The following HIVEP3 variants were observed in gnomAD, a reference collection of about 807,000 sequenced individuals.
HIVEP3 encodes the protein transcription factor HIVEP3.
Under a neutral mutation model 152.8 loss-of-function variants are expected in HIVEP3, and 49 were observed. The observed-to-expected ratio is 0.32, with a 90% confidence interval of 0.26 to 0.41. The LOEUF is 0.41. Among genes scored for constraint, HIVEP3 ranks in the 10% least tolerant of loss-of-function variants. The probability of loss-of-function intolerance (pLI) is 1.00; values close to 1 mark genes in which losing one functional copy is unlikely to be tolerated. For missense variants in HIVEP3, 2,790 were observed against 3,103.3 expected, an observed-to-expected ratio of 0.90 and a Z score of 2.40; for synonymous variants, 1,269 against 1,289.0, an observed-to-expected ratio of 0.98 and a Z score of 0.33.
chr1:41,703,840 G>A (rs1646396793), intron 1 of HIVEP3, among the ~76,000 whole-genome samples: 1 of 152,232 alleles, frequency 6.6e-6, no homozygotes, highest in South Asian at 2.1e-4. Flanking sequence ...CCCCAAAGAA[G>A]CTGGAGTCCC....
chr1:41,892,494 G>A (rs1035939259), intron 1 of HIVEP3, among the ~76,000 whole-genome samples: 2 of 152,212 alleles, frequency 1.3e-5, no homozygotes, highest in Non-Finnish European at 2.9e-5. Flanking sequence ...GAAACCCAAA[G>A]AGAGCACAGA....
chr1:41,563,463 G>A (rs2181276), intron 5 of HIVEP3, among the ~76,000 whole-genome samples: 16,670 of 151,976 alleles, frequency 0.11, 1,624 homozygotes, highest in East Asian at 0.46. Context: ...TTTTTCCTGC[G>A]GCTTCCAGAA....
At chr1:41,587,162 A>G (rs981790878) in intron 3 of HIVEP3, among the ~76,000 whole-genome samples, 3 of 152,228 alleles carry the variant, frequency 2.0e-5, no homozygotes, top group African/African-American at 7.2e-5. Context: ...GCAGTGAATG[A>G]TGCAGGAGAT....
At chr1:41,801,607 T>C (rs1650305734) in intron 1 of HIVEP3, among the ~76,000 whole-genome samples, 1 of 152,120 alleles carries the variant, frequency 6.6e-6, no homozygotes, top group South Asian at 2.1e-4. Context: ...CAGCTGGGCA[T>C]GGCAGCATGC....
chr1:42,020,492 C>T (rs1204056256), intron 1 of HIVEP3, among the ~76,000 whole-genome samples: 1 of 71,796 alleles, frequency 1.4e-5, no homozygotes, highest in Non-Finnish European at 3.2e-5. Context: ...AGTATGTTGG[C>T]AAAAACTGTT....
intron 1 of HIVEP3, among the ~76,000 whole-genome samples, chr1:41,733,651 G>A (rs1470424772): frequency 6.6e-6 from 1 of 152,238 alleles, no homozygotes; most frequent in Non-Finnish European, 1.5e-5. Context: ...GTGCTCTGAG[G>A]GTCCACTGTG....
In HIVEP3 at chr1:41,696,214, C is replaced by G. The variant is rs1477387892; in HGVS notation, c.-721+4702G>C. On this transcript the variant is annotated intron_variant, in intron 2 of 8. Coordinates refer to ENST00000372583, the MANE Select transcript of HIVEP3 (RefSeq NM_024503.5). Reference sequence around the variant, plus strand: ...CACAGCCTGCAATGTCTTGGGAAGTCTCTCTCAGCTGTTCCAGCTCCAGTC... The same window carrying G: ...CACAGCCTGCAATGTCTTGGGAAGTGTCTCTCAGCTGTTCCAGCTCCAGTC... Among the ~76,000 whole-genome samples the G allele has an allele frequency of 2.6e-5, 4 of 152,240 alleles. No homozygotes were observed. The South Asian group carries it at 8.3e-4, about 32-fold the overall frequency.
chr1:42,018,393 A>T (rs1645535675), intron 1 of HIVEP3, among the ~76,000 whole-genome samples: 1 of 151,682 alleles, frequency 6.6e-6, no homozygotes, highest in Non-Finnish European at 1.5e-5. Context: ...ATGCAGCTAG[A>T]ATTGATATTT....
At chr1:41,910,713 C>A (rs1644782491) in intron 1 of HIVEP3, among the ~76,000 whole-genome samples, 1 of 151,700 alleles carries the variant, frequency 6.6e-6, no homozygotes. Context: ...AATTAGTTTA[C>A]CAGATATTAA....
At chr1:41,595,464 C>A (rs1440464923) in intron 3 of HIVEP3, among the ~76,000 whole-genome samples, 1 of 152,126 alleles carries the variant, frequency 6.6e-6, no homozygotes, top group Admixed American at 6.6e-5. Flanking sequence ...GTGGGACATG[C>A]CGAGAAAGGA....
intron 1 of HIVEP3, among the ~76,000 whole-genome samples, chr1:41,818,901 T>C (rs1642498321): frequency 6.6e-6 from 1 of 152,160 alleles, no homozygotes; most frequent in African/African-American, 2.4e-5. Flanking sequence ...TGTTAAGTAA[T>C]TCTGGGGCAA....
chr1:41,544,996 C>A (rs745911711), intron 5 of HIVEP3, among the ~76,000 whole-genome samples: 1 of 91,026 alleles, frequency 1.1e-5, no homozygotes, highest in African/African-American at 4.2e-5. Flanking sequence ...ACCACCATCG[C>A]TACCATCACC....
chr1:42,030,207 C>T (rs981135158), intron 1 of HIVEP3, among the ~76,000 whole-genome samples: 1 of 152,168 alleles, frequency 6.6e-6, no homozygotes, highest in South Asian at 2.1e-4. Context: ...GAATGCAGCC[C>T]AACAGAATTC....
chr1:41,535,260 G>A (rs534740750), intron 5 of HIVEP3, among the ~76,000 whole-genome samples: 26 of 152,112 alleles, frequency 1.7e-4, no homozygotes, highest in Non-Finnish European at 3.1e-4. Flanking sequence ...ATCACTCCCC[G>A]CCCAGCCCTT....
At chr1:41,916,003 G>C (rs947703369) in intron 1 of HIVEP3, among the ~76,000 whole-genome samples, 10 of 152,192 alleles carry the variant, frequency 6.6e-5, no homozygotes, top group Non-Finnish European at 1.2e-4. Context: ...AAAGACATTA[G>C]GGAATTCACA....
At chr1:41,854,690 A>C (rs1570674045) in intron 1 of HIVEP3, among the ~76,000 whole-genome samples, 1 of 69,652 alleles carries the variant, frequency 1.4e-5, no homozygotes, top group Non-Finnish European at 2.6e-5. Context: ...CGACCCCACC[A>C]CAGTCCCCAG....
At chr1:41,993,999 G>T (rs1404956860) in intron 1 of HIVEP3, among the ~76,000 whole-genome samples, 4 of 119,666 alleles carry the variant, frequency 3.3e-5, no homozygotes, top group Admixed American at 2.0e-4. Flanking sequence ...GGGGACTGTT[G>T]TGGGGTGGGG....
intron 1 of HIVEP3, among the ~76,000 whole-genome samples, chr1:41,730,696 C>G (rs55837263): frequency 0.015 from 2,217 of 152,328 alleles, 24 homozygotes; most frequent in Non-Finnish European, 0.018. Flanking sequence ...ACAGGCCCAA[C>G]GTCAGGTGGC....
At chr1:42,000,655 G>A (rs1430784015) in intron 1 of HIVEP3, among the ~76,000 whole-genome samples, 1 of 152,206 alleles carries the variant, frequency 6.6e-6, no homozygotes, top group Non-Finnish European at 1.5e-5. Context: ...AAGCACTGCA[G>A]ATGGATGACA....
Sources: allele counts gnomAD v4.1 joint callset (sites outside exome capture counted in the v4.1 genomes callset), GRCh38; gene constraint gnomAD v4.1.1; transcripts MANE v1.5; gene names NCBI Gene and HGNC (gene_info 2026-07-23, HGNC 2026-07-21).